Variants in SLC24A3 observed in about 807,000 individuals in gnomAD.
SLC24A3 encodes the protein sodium/potassium/calcium exchanger 3.
Under a neutral mutation model 75.8 loss-of-function variants are expected in SLC24A3, and 28 were observed. The observed-to-expected ratio is 0.37, with a 90% confidence interval of 0.27 to 0.51. The LOEUF is 0.51. Ranked by LOEUF, SLC24A3 falls within the 20% of genes least tolerant of loss-of-function variation. The probability of loss-of-function intolerance (pLI) is 0.94; values close to 1 mark genes in which losing one functional copy is unlikely to be tolerated. For missense variants in SLC24A3, 663 were observed against 847.8 expected (o/e 0.78, Z 2.71); for synonymous variants, 372 against 334.1 (o/e 1.11, Z -1.24).
intron 1 of SLC24A3, among the ~76,000 whole-genome samples, chr20:19,248,548 G>A (rs772526994): frequency 5.9e-5 from 9 of 152,200 alleles, no homozygotes; most frequent in Non-Finnish European, 1.0e-4. Context: ...CCCTTTTGGC[G>A]GAAATGTAAA....
At chr20:19,632,472 C>T (rs1220695971) in intron 6 of SLC24A3, among the ~76,000 whole-genome samples, 1 of 152,128 alleles carries the variant, frequency 6.6e-6, no homozygotes, top group Non-Finnish European at 1.5e-5. Flanking sequence ...CCATCATCAC[C>T]TCTCTCACTC....
chr20:19,327,922 G>A (rs1258064613), intron 2 of SLC24A3, among the ~76,000 whole-genome samples: 1 of 152,150 alleles, frequency 6.6e-6, no homozygotes, highest in Non-Finnish European at 1.5e-5. Context: ...GGTGGGGGCT[G>A]GTGGTGAAGA....
intron 12 of SLC24A3, among the ~76,000 whole-genome samples, chr20:19,690,918 C>T (rs2032737510): frequency 6.6e-6 from 1 of 152,052 alleles, no homozygotes; most frequent in African/African-American, 2.4e-5. Context: ...ATTGGATAGC[C>T]TTAGATTCTC....
At position 19,274,979 on chromosome 20, in the gene SLC24A3, G is replaced by A. The variant is rs541877356; in HGVS notation, c.143-5980G>A. 3.9e-5 allele frequency among the ~76,000 whole-genome samples: 6 copies of A among 152,332 alleles called. No homozygotes were observed. The South Asian group carries it at 1.0e-3, about 26-fold the overall frequency. ...CTGTGTTTCTTGTGCCGTTAACTGA[G>A]TTTTCCAGACATTCTTTCTCCAGTG... On this transcript the variant is annotated intron_variant, in intron 1 of 16. Coordinates refer to ENST00000328041, the MANE Select transcript of SLC24A3 (RefSeq NM_020689.4).
Position 19,519,059 on chromosome 20 carries a change from G to A in SLC24A3, c.348+3495G>A, listed in dbSNP as rs1195859363. ...TCCCCCAAGAGAGGGCCATGGGGCT[G>A]TCTTTTCCTGGGGTTCACTGCTCGT... On this transcript the variant is annotated intron_variant, in intron 3 of 16. Transcript: ENST00000328041. 3.3e-5 allele frequency among the ~76,000 whole-genome samples: 5 copies of A among 152,174 alleles called. No individual in the cohort carries two copies. In the South Asian group the frequency reaches 1.0e-3, roughly 32 times the overall value.
chr20:19,695,006 G>C (rs574507419), intron 13 of SLC24A3: 14 of 152,298 alleles, frequency 9.2e-5, no homozygotes, highest in African/African-American at 3.4e-4. Flanking sequence ...TAGAAACAGC[G>C]TGTGTTTCTG....
intron 2 of SLC24A3, among the ~76,000 whole-genome samples, chr20:19,415,412 T>A (rs1986810032): frequency 6.6e-6 from 1 of 152,186 alleles, no homozygotes; most frequent in Non-Finnish European, 1.5e-5. Context: ...AGAACTTTAT[T>A]ACAAACCCTC....
intron 1 of SLC24A3, among the ~76,000 whole-genome samples, chr20:19,231,927 C>G (rs1032567628): frequency 7.9e-5 from 12 of 152,288 alleles, no homozygotes; most frequent in African/African-American, 2.9e-4. Context: ...TGTCACCCTC[C>G]CCTAGCTAGA....
intron 1 of SLC24A3, among the ~76,000 whole-genome samples, chr20:19,256,583 A>G (rs2122187579): frequency 6.6e-6 from 1 of 152,186 alleles, no homozygotes; most frequent in African/African-American, 2.4e-5. Flanking sequence ...AGCCTGGGCA[A>G]CATGGTGAAA....
At chr20:19,646,861 G>C (rs1045056000) in intron 6 of SLC24A3, among the ~76,000 whole-genome samples, 2 of 134,428 alleles carry the variant, frequency 1.5e-5, no homozygotes, top group East Asian at 2.2e-4. Flanking sequence ...GCGTGTGTGT[G>C]TGTGTGTGTT....
chr20:19,642,094 G>A (rs1383213133), intron 6 of SLC24A3, among the ~76,000 whole-genome samples: 3 of 152,244 alleles, frequency 2.0e-5, no homozygotes, highest in African/African-American at 7.2e-5. Context: ...GGCATGTAAA[G>A]TGCTGAGCAC....
intron 3 of SLC24A3, among the ~76,000 whole-genome samples, chr20:19,519,364 T>C (rs557690815): frequency 6.6e-6 from 1 of 152,330 alleles, no homozygotes; most frequent in South Asian, 2.1e-4. Flanking sequence ...TTGTGTGTGC[T>C]TTGTGTGTGT....
chr20:19,497,848 G>A (rs142251627), intron 2 of SLC24A3, among the ~76,000 whole-genome samples: 102 of 152,276 alleles, frequency 6.7e-4, no homozygotes, highest in African/African-American at 2.3e-3. Flanking sequence ...GTTTGTTCAA[G>A]GAGAAATGCT....
At chr20:19,579,176 TG>T (rs1875931154) in intron 3 of SLC24A3, among the ~76,000 whole-genome samples, 1 of 152,140 alleles carries the variant, frequency 6.6e-6, no homozygotes, top group Admixed American at 6.5e-5. Flanking sequence ...TGGACAAAAC[TG>T]GGGTCTCCTT....
chr20:19,274,484 G>A (rs1274110856), intron 1 of SLC24A3, among the ~76,000 whole-genome samples: 1 of 152,026 alleles, frequency 6.6e-6, no homozygotes, highest in Non-Finnish European at 1.5e-5. Context: ...TGGGGGATGT[G>A]TGGCCCTGTT....
chr20:19,684,228 C>G lies in SLC24A3; in HGVS notation c.954C>G (p.Ala318=), dbSNP rs1275543482. Residue 318 remains alanine, a synonymous_variant, in exon 11 of 17, where the codon GCC becomes GCG. Coordinates refer to ENST00000328041, the MANE Select transcript of SLC24A3 (RefSeq NM_020689.4). ...SVIMVDELLS[A]YPHQLSFSEA... ...TCATGGTAGACGAGCTGCTGTCAGC[C>G]TACCCACACCAGCTTTCCTTCTCTG... 1.2e-6 allele frequency: 2 copies of G among 1,614,154 alleles called. No homozygotes were observed. Among genetic ancestry groups the G allele is most frequent in the Non-Finnish European group, 1.7e-6 (2 of 1,180,028 alleles).
At chr20:19,468,793 A>C (rs908130943) in intron 2 of SLC24A3, among the ~76,000 whole-genome samples, 4 of 152,158 alleles carry the variant, frequency 2.6e-5, no homozygotes, top group African/African-American at 9.7e-5. Context: ...CCATGGCCTG[A>C]AGTTTAGCCA....
chr20:19,227,379 A>G (rs1218180079), intron 1 of SLC24A3, among the ~76,000 whole-genome samples: 1 of 148,234 alleles, frequency 6.7e-6, no homozygotes, highest in Non-Finnish European at 1.5e-5. Flanking sequence ...CCGTATTTCA[A>G]AAGTCTTGTT....
chr20:19,460,409 C>T (rs551398768), intron 2 of SLC24A3, among the ~76,000 whole-genome samples: 24 of 150,446 alleles, frequency 1.6e-4, no homozygotes, highest in African/African-American at 3.6e-4. Context: ...CTCATGTAAA[C>T]GACCCCCACA....
Sources: allele counts gnomAD v4.1 joint callset (sites outside exome capture counted in the v4.1 genomes callset), GRCh38; gene constraint gnomAD v4.1.1; transcripts MANE v1.5; gene names NCBI Gene and HGNC (gene_info 2026-07-23, HGNC 2026-07-21).